Variants in DOCK3 observed in about 807,000 individuals in gnomAD.
The protein encoded by DOCK3 is dedicator of cytokinesis 3.
Under a neutral mutation model 265.6 loss-of-function variants are expected in DOCK3, and 60 were observed. That is an observed-to-expected ratio of 0.23 (90% CI 0.18 to 0.28). DOCK3 has a LOEUF of 0.28. Ranked by LOEUF, DOCK3 falls within the 10% of genes least tolerant of loss-of-function variation. DOCK3 has a pLI of 1.00. For synonymous variants in DOCK3, 881 were observed against 938.0 expected (o/e 0.94, Z 1.11); for missense variants, 1,981 against 2,594.3 (o/e 0.76, Z 5.14).
chr3:50,869,797 T>C (rs1216947486), intron 3 of DOCK3, among the ~76,000 whole-genome samples: 2 of 152,204 alleles, frequency 1.3e-5, no homozygotes, highest in Non-Finnish European at 2.9e-5. Context: ...TACTTATACC[T>C]GTAAACTTCC....
intron 5 of DOCK3, among the ~76,000 whole-genome samples, chr3:50,996,837 G>A (rs1294721046): frequency 2.6e-5 from 4 of 152,042 alleles, no homozygotes; most frequent in South Asian, 2.1e-4. Context: ...GGTTCTGATC[G>A]CATTTAGAAT....
At chr3:51,269,337 A>G (rs575267413) in intron 23 of DOCK3, among the ~76,000 whole-genome samples, 2 of 152,134 alleles carry the variant, frequency 1.3e-5, no homozygotes, top group Admixed American at 1.3e-4. Flanking sequence ...TTAAGAGAGC[A>G]AATGAGTTAC....
At chr3:50,978,480 C>G (rs928846676) in intron 5 of DOCK3, among the ~76,000 whole-genome samples, 4 of 152,204 alleles carry the variant, frequency 2.6e-5, no homozygotes, top group Non-Finnish European at 5.9e-5. Flanking sequence ...CAGGGACCCT[C>G]TTGAGGAGGC....
In DOCK3 at chr3:50,983,743, C is replaced by T. The variant is rs1294146967; in HGVS notation, c.315+49666C>T. Among the ~76,000 whole-genome samples, 3 of 152,292 alleles carry T rather than the reference C, an allele frequency of 2.0e-5. No individual in the cohort carries two copies. The East Asian group carries it at 5.8e-4, about 29-fold the overall frequency. The stretch of plus-strand genomic sequence containing the variant: ...TCTTCCTGGTCACAGAACAAGAACC[C>T]AGGACCCGCCAAACTGGTGAGGCTA... On this transcript the variant is annotated intron_variant, in intron 5 of 52. Transcript: ENST00000266037.
At chr3:51,059,388 A>G (rs1382252298) in intron 5 of DOCK3, among the ~76,000 whole-genome samples, 1 of 151,934 alleles carries the variant, frequency 6.6e-6, no homozygotes, top group Non-Finnish European at 1.5e-5. Flanking sequence ...ACCATAGCAC[A>G]CATGTACATT....
intron 7 of DOCK3, among the ~76,000 whole-genome samples, chr3:51,086,437 G>A (rs2082431732): frequency 6.6e-6 from 1 of 152,170 alleles, no homozygotes; most frequent in Non-Finnish European, 1.5e-5. Context: ...CCAGATTTTA[G>A]GGTGTTCCCA....
intron 35 of DOCK3, among the ~76,000 whole-genome samples, chr3:51,336,413 C>T (rs1317378663): frequency 1.3e-5 from 2 of 152,112 alleles, no homozygotes; most frequent in Middle Eastern, 3.4e-3. Flanking sequence ...AGAGTGGAAC[C>T]TCTACCTGGA....
At chr3:51,380,004 CA>C in intron 51 of DOCK3, 120 bp from the exon 52 acceptor site, 2 of 811,020 alleles carry the variant, frequency 2.5e-6, no homozygotes, top group Non-Finnish European at 3.8e-6. Flanking sequence ...CCATAGCCCT[CA>C]ATGCTGAGGG....
At chr3:50,789,448 C>T (rs1463553845) in intron 2 of DOCK3, among the ~76,000 whole-genome samples, 2 of 152,122 alleles carry the variant, frequency 1.3e-5, no homozygotes, top group Non-Finnish European at 2.9e-5. Context: ...AATGTATATT[C>T]TGCAGTTGTT....
At chr3:51,139,837 C>T (rs940344353) in intron 9 of DOCK3, among the ~76,000 whole-genome samples, 1 of 152,184 alleles carries the variant, frequency 6.6e-6, no homozygotes, top group African/African-American at 2.4e-5. Flanking sequence ...GCTGAAAGAA[C>T]AGCATTCCAG....
intron 27 of DOCK3, among the ~76,000 whole-genome samples, chr3:51,298,296 A>T (rs963909877): frequency 2.6e-5 from 4 of 152,160 alleles, no homozygotes. Context: ...TAATGATGTC[A>T]CTTCTTTTGT....
intron 22 of DOCK3, among the ~76,000 whole-genome samples, chr3:51,256,601 T>G (rs533893599): frequency 2.7e-5 from 4 of 150,820 alleles, no homozygotes; most frequent in South Asian, 2.1e-4. Flanking sequence ...TTGTTTTTTT[T>G]TTTTTTTTTT....
rs1358402159 is a variant in DOCK3, at chr3:51,115,483, A to T, written c.746+25099A>T. 3.3e-5 allele frequency among the ~76,000 whole-genome samples: 5 copies of T among 151,786 alleles called. No homozygotes were observed. The East Asian group carries it at 9.7e-4, about 29-fold the overall frequency. On this transcript the variant is annotated intron_variant, in intron 9 of 52. Coordinates refer to ENST00000266037, the MANE Select transcript of DOCK3 (RefSeq NM_004947.5). ...GTTGATATCCTTTGTTCACTTTTTG[A>T]TGGGGTTGTTTGTTTTTTTCTTGTA...
intron 12 of DOCK3, among the ~76,000 whole-genome samples, chr3:51,204,844 G>T (rs867229050): frequency 1.1e-3 from 161 of 151,876 alleles, no homozygotes; most frequent in Non-Finnish European, 1.8e-3. Context: ...CCATAAAAAA[G>T]GATGAGTTCA....
chr3:51,193,801 C>CTTTTTTTTTT (rs36051516), intron 12 of DOCK3, among the ~76,000 whole-genome samples: 2 of 126,678 alleles, frequency 1.6e-5, no homozygotes, highest in Non-Finnish European at 3.3e-5. Flanking sequence ...GGGCTTCTCT[C>CTTTTTTTTTT]TTTTTTTTTT....
intron 9 of DOCK3, among the ~76,000 whole-genome samples, chr3:51,133,704 T>A (rs2084666343): frequency 6.6e-6 from 1 of 152,156 alleles, no homozygotes; most frequent in Non-Finnish European, 1.5e-5. Context: ...GTGTCTAATT[T>A]ATACAAACAG....
intron 22 of DOCK3, among the ~76,000 whole-genome samples, chr3:51,254,492 G>A (rs539088242): frequency 6.6e-6 from 1 of 152,152 alleles, no homozygotes; most frequent in Non-Finnish European, 1.5e-5. Flanking sequence ...TTGTTATTGT[G>A]TGGGAGTCTA....
At chr3:50,715,624 G>A (rs1471947848) in intron 1 of DOCK3, among the ~76,000 whole-genome samples, 1 of 152,008 alleles carries the variant, frequency 6.6e-6, no homozygotes, top group Non-Finnish European at 1.5e-5. Context: ...TGAGGGGAAG[G>A]GCATTTTGGG....
chr3:51,103,593 T>A (rs72941919), intron 9 of DOCK3, among the ~76,000 whole-genome samples: 10,919 of 152,210 alleles, frequency 0.072, 987 homozygotes, highest in East Asian at 0.33. Context: ...TCAAAACAAT[T>A]CTCCAAATGC....
Sources: allele counts gnomAD v4.1 joint callset (sites outside exome capture counted in the v4.1 genomes callset), GRCh38; gene constraint gnomAD v4.1.1; transcripts MANE v1.5; gene names NCBI Gene and HGNC (gene_info 2026-07-23, HGNC 2026-07-21).